Variants in GPBP1L1 observed in about 807,000 individuals in gnomAD.
GPBP1L1 encodes the protein GC-rich promoter binding protein 1 like 1, also known as vasculin-like protein 1.
GPBP1L1 carries 23 observed loss-of-function variants against 52.5 expected under a neutral mutation model. That is an observed-to-expected ratio of 0.44 (90% CI 0.32 to 0.62). The LOEUF (loss-of-function observed/expected upper bound fraction) is 0.62. GPBP1L1 is among the 20% of genes least tolerant of loss of function. The pLI, the probability that GPBP1L1 is intolerant of heterozygous loss-of-function variation, is 0.06. For synonymous variants in GPBP1L1, 243 were observed against 203.1 expected (o/e 1.20, Z -1.67); for missense variants, 596 against 579.3 (o/e 1.03, Z -0.30).
intron 11 of GPBP1L1, 32 bp downstream of exon 11, chr1:45,630,450 A>G (rs1402902666): frequency 6.2e-7 from 1 of 1,610,428 alleles, no homozygotes; most frequent in East Asian, 2.2e-5. Flanking sequence ...AAGGTCAGAC[A>G]CTGCATGCCC....
At chr1:45,647,181 T>TTTTC (rs1284887730) in intron 6 of GPBP1L1, among the ~76,000 whole-genome samples, 6 of 151,668 alleles carry the variant, frequency 4.0e-5, no homozygotes, top group Non-Finnish European at 7.4e-5. Context: ...TTTTTTTTTT[T>TTTTC]TTCTGAGACC....
chr1:45,633,829 C>G (rs1329436857), intron 9 of GPBP1L1, 182 bp from the exon 10 acceptor site: 1 of 692,272 alleles, frequency 1.4e-6, no homozygotes, highest in African/African-American at 1.8e-5. Flanking sequence ...TTAAGAGCAG[C>G]TGGCTTACAT....
chr1:45,648,125 G>C (rs1470792036), intron 6 of GPBP1L1, among the ~76,000 whole-genome samples: 1 of 151,936 alleles, frequency 6.6e-6, no homozygotes, highest in East Asian at 1.9e-4. Context: ...TTTTTGTAGA[G>C]ACAAAAGTTT....
upstream of GPBP1L1, chr1:45,686,930 G>C (rs892592185): frequency 6.6e-6 from 1 of 152,442 alleles, no homozygotes; most frequent in African/African-American, 2.4e-5. Flanking sequence ...ATGCATGTGT[G>C]TATCCCTTTT....
At chr1:45,647,431 C>T (rs1644763716) in intron 6 of GPBP1L1, among the ~76,000 whole-genome samples, 1 of 152,164 alleles carries the variant, frequency 6.6e-6, no homozygotes, top group African/African-American at 2.4e-5. Context: ...GGCCAGCTAG[C>T]ATGAACAACG....
At position 45,659,116 on chromosome 1, in the gene GPBP1L1, T is replaced by G. The variant is rs539013873; in HGVS notation, c.-29A>C. On this transcript the variant is annotated 5_prime_UTR_variant, in exon 4 of 13. Transcript: ENST00000355105. ...GGTCCAGTGTCTCCTTTCAGTAAGG[T>G]GAGGCATCCAACCTCATGGCCAGGA... 12 of 1,613,156 alleles carry G rather than the reference T, an allele frequency of 7.4e-6. No individual in the cohort carries two copies. Among genetic ancestry groups the G allele is most frequent in the Non-Finnish European group, 1.0e-5 (12 of 1,179,290 alleles).
At chr1:45,642,315 C>T (rs924201792) in intron 7 of GPBP1L1, 112 bp downstream of exon 7, 2 of 760,430 alleles carry the variant, frequency 2.6e-6, no homozygotes, top group Non-Finnish European at 4.6e-6. Flanking sequence ...TTACCATGGG[C>T]AAATGCATGA....
chr1:45,662,052 G>A (rs1429147299), intron 2 of GPBP1L1, among the ~76,000 whole-genome samples: 1 of 152,158 alleles, frequency 6.6e-6, no homozygotes, highest in Non-Finnish European at 1.5e-5. Context: ...TCTCAATTCA[G>A]AGATTTAAAA....
chr1:45,628,028 G>GT lies in GPBP1L1; in HGVS notation c.*227dup. 2.0e-6 allele frequency: 1 copy of GT among 492,002 alleles called. No individual in the cohort carries two copies. Among genetic ancestry groups the GT allele is most frequent in the East Asian group, 3.7e-5 (1 of 26,908 alleles). 30.5% of individuals were successfully genotyped at this position (492,002 alleles called of 1,614,324 possible). ...TGTATGTGTGTGTGTGTGTGAGTGT[G>GT]TTTAAAAAATCTGTCCCACCACACA... On this transcript the variant is annotated 3_prime_UTR_variant, in exon 13 of 13. Coordinates refer to ENST00000355105, the MANE Select transcript of GPBP1L1 (RefSeq NM_021639.5).
chr1:45,658,200 A>G (rs960251638), intron 4 of GPBP1L1, among the ~76,000 whole-genome samples: 2 of 152,212 alleles, frequency 1.3e-5, no homozygotes, highest in African/African-American at 4.8e-5. Context: ...AATGCCTCTA[A>G]AACAGTTTCT....
chr1:45,659,457 C>A (rs1256266261), intron 3 of GPBP1L1, among the ~76,000 whole-genome samples: 1 of 152,164 alleles, frequency 6.6e-6, no homozygotes, highest in African/African-American at 2.4e-5. Context: ...TTCAGCCTCG[C>A]AAAGTGTTGG....
At chr1:45,642,770 C>T (rs910668616) in intron 6 of GPBP1L1, among the ~76,000 whole-genome samples, 5 of 152,206 alleles carry the variant, frequency 3.3e-5, no homozygotes, top group Non-Finnish European at 7.4e-5. Context: ...ACTAAATGTG[C>T]GAATTCCCAC....
chr1:45,639,691 A>G (rs1376132036), intron 8 of GPBP1L1, among the ~76,000 whole-genome samples: 1 of 151,760 alleles, frequency 6.6e-6, no homozygotes, highest in Admixed American at 6.6e-5. Flanking sequence ...CCTGGCTAAC[A>G]ACGGTGAAAC....
intron 6 of GPBP1L1, among the ~76,000 whole-genome samples, chr1:45,642,998 T>C (rs1017614344): frequency 6.6e-6 from 1 of 152,162 alleles, no homozygotes; most frequent in African/African-American, 2.4e-5. Context: ...GGTCACAGTT[T>C]TGCTATAAAA....
chr1:45,669,285 C>G (rs1298197324), intron 2 of GPBP1L1, among the ~76,000 whole-genome samples: 3 of 152,300 alleles, frequency 2.0e-5, no homozygotes, highest in Admixed American at 6.5e-5. Context: ...CTTGCTTTAG[C>G]CTCCCAAGTA....
upstream of GPBP1L1, chr1:45,686,638 TGAA>T (rs1645291728): frequency 6.6e-6 from 1 of 152,230 alleles, no homozygotes; most frequent in Admixed American, 6.5e-5. Context: ...CACGCCCACC[TGAA>T]GAAGCGCATG....
At chr1:45,647,248 G>T (rs1569804266) in intron 6 of GPBP1L1, among the ~76,000 whole-genome samples, 1 of 147,156 alleles carries the variant, frequency 6.8e-6, no homozygotes, top group South Asian at 2.1e-4. Flanking sequence ...TTGGCTCACT[G>T]CAACCTCTGC....
At chr1:45,670,275 A>C (rs568200620) in intron 2 of GPBP1L1, among the ~76,000 whole-genome samples, 1 of 152,302 alleles carries the variant, frequency 6.6e-6, no homozygotes, top group East Asian at 1.9e-4. Context: ...TTTTTATAGG[A>C]TACCTATTCT....
intron 6 of GPBP1L1, among the ~76,000 whole-genome samples, chr1:45,649,459 T>G (rs1483744444): frequency 2.0e-5 from 3 of 152,012 alleles, no homozygotes; most frequent in Non-Finnish European, 4.4e-5. Context: ...TGGAGCTTTT[T>G]TTTTTTTCAT....
Sources: allele counts gnomAD v4.1 joint callset (sites outside exome capture counted in the v4.1 genomes callset), GRCh38; gene constraint gnomAD v4.1.1; transcripts MANE v1.5; gene names NCBI Gene and HGNC (gene_info 2026-07-23, HGNC 2026-07-21).